Variants in FARS2 observed in about 807,000 individuals in gnomAD.
FARS2 encodes the protein phenylalanyl-tRNA synthetase 2, mitochondrial.
In FARS2, 40 loss-of-function variants were observed where a neutral mutation model predicts 46.4. The ratio of observed to expected loss-of-function variants is 0.86; its 90% CI spans 0.67 to 1.12. The LOEUF (loss-of-function observed/expected upper bound fraction) is 1.12, where lower values mean the gene tolerates loss of function less well. Among genes scored for constraint, FARS2 ranks in the 50% most tolerant of loss-of-function variants. The pLI, the probability that FARS2 is intolerant of heterozygous loss-of-function variation, is 0.00. For synonymous variants in FARS2, 234 were observed against 214.9 expected (o/e 1.09, Z -0.78); for missense variants, 513 against 567.9 (o/e 0.90, Z 0.98).
At chr6:5,428,708 G>A (rs1333581673) in intron 3 of FARS2, among the ~76,000 whole-genome samples, 1 of 152,122 alleles carries the variant, frequency 6.6e-6, no homozygotes, top group Non-Finnish European at 1.5e-5. Context: ...TCCCAAAGAT[G>A]GGCAGGGATA....
At chr6:5,760,852 C>T (rs1462762576) in intron 6 of FARS2, among the ~76,000 whole-genome samples, 1 of 152,222 alleles carries the variant, frequency 6.6e-6, no homozygotes. Context: ...TGAAACTGCT[C>T]TGATCGCTCC....
intron 6 of FARS2, among the ~76,000 whole-genome samples, chr6:5,690,017 C>G (rs530843718): frequency 3.3e-5 from 5 of 152,152 alleles, no homozygotes; most frequent in Non-Finnish European, 7.3e-5. Flanking sequence ...ACTAGGATTG[C>G]AACCTCTGCC....
At chr6:5,295,202 A>G (rs17140122) in intron 1 of FARS2, among the ~76,000 whole-genome samples, 12,353 of 152,282 alleles carry the variant, frequency 0.081, 831 homozygotes, top group African/African-American at 0.18. Flanking sequence ...GTGCCGTCAT[A>G]TACGTTATAT....
chr6:5,371,422 G>A (rs1759056360), intron 2 of FARS2, among the ~76,000 whole-genome samples: 1 of 151,872 alleles, frequency 6.6e-6, no homozygotes, highest in African/African-American at 2.4e-5. Context: ...TCACTATAAC[G>A]TGTATTTCAG....
rs1163837780 is a variant in FARS2, at chr6:5,709,693, T to TGC, written c.1218-61597_1218-61596insCG. Among the ~76,000 whole-genome samples the TGC allele has an allele frequency of 3.3e-3, 89 of 27,364 alleles. 2 individuals are homozygous for TGC. The highest frequency in any genetic ancestry group is 8.3e-3 in the African/African-American group (63 of 7,616). The allele number at this position is 27,364 out of a possible 152,430, so 18.0% of individuals were successfully genotyped here. A position where few individuals can be genotyped will look rare whatever the true frequency, so the allele number is the denominator to read the frequency against. On this transcript the variant is annotated intron_variant, in intron 6 of 6. Transcript: ENST00000274680. ...GAGGGTGTGTGTGTGTGTGTGTGTG[T>TGC]GTGTGCGCATGCACGTGCATGTTGG...
At chr6:5,563,315 G>A (rs1307312332) in intron 5 of FARS2, among the ~76,000 whole-genome samples, 1 of 152,142 alleles carries the variant, frequency 6.6e-6, no homozygotes, top group Non-Finnish European at 1.5e-5. Flanking sequence ...GAATATGTGG[G>A]GGCAGCCACA....
At chr6:5,720,831 G>T (rs1759845253) in intron 6 of FARS2, among the ~76,000 whole-genome samples, 1 of 152,210 alleles carries the variant, frequency 6.6e-6, no homozygotes, top group African/African-American at 2.4e-5. Context: ...AGGATTGCTT[G>T]AGGATAGGAG....
At chr6:5,675,137 G>A (rs1778691918) in intron 6 of FARS2, among the ~76,000 whole-genome samples, 1 of 152,086 alleles carries the variant, frequency 6.6e-6, no homozygotes, top group African/African-American at 2.4e-5. Flanking sequence ...TGAAGAAGGT[G>A]TTTGATAAAG....
At chr6:5,501,742 G>A (rs1458673887) in intron 4 of FARS2, among the ~76,000 whole-genome samples, 5 of 152,144 alleles carry the variant, frequency 3.3e-5, no homozygotes, top group East Asian at 1.9e-4. Context: ...TGGTCCGCCC[G>A]CCTCAGCCTC....
At chr6:5,257,679 G>A (rs1292730841), upstream of FARS2, among the ~76,000 whole-genome samples, 1 of 152,194 alleles carries the variant, frequency 6.6e-6, no homozygotes, top group Admixed American at 6.5e-5. Context: ...ATTGTGAACT[G>A]TGCATGTGAG....
intron 4 of FARS2, among the ~76,000 whole-genome samples, chr6:5,531,887 C>T (rs555849568): frequency 6.6e-6 from 1 of 152,314 alleles, no homozygotes; most frequent in African/African-American, 2.4e-5. Flanking sequence ...TGCAGTGTCT[C>T]AACAGGATAC....
At chr6:5,349,087 A>G (rs1306257293) in intron 1 of FARS2, among the ~76,000 whole-genome samples, 14 of 152,222 alleles carry the variant, frequency 9.2e-5, no homozygotes, top group Non-Finnish European at 1.5e-4. Flanking sequence ...AATCTATCAA[A>G]AATAAAACAT....
chr6:5,429,121 A>T (rs1763017259), intron 3 of FARS2, among the ~76,000 whole-genome samples: 1 of 152,182 alleles, frequency 6.6e-6, no homozygotes, highest in African/African-American at 2.4e-5. Context: ...AGGATTACAA[A>T]GGGGCATGAG....
At chr6:5,730,250 T>C (rs1398360648) in intron 6 of FARS2, among the ~76,000 whole-genome samples, 1 of 152,186 alleles carries the variant, frequency 6.6e-6, no homozygotes, top group East Asian at 1.9e-4. Context: ...ACTCAAACTG[T>C]GAGCCTTTCT....
chr6:5,309,385 G>T (rs1768937792), intron 1 of FARS2, among the ~76,000 whole-genome samples: 1 of 152,068 alleles, frequency 6.6e-6, no homozygotes, highest in Non-Finnish European at 1.5e-5. Context: ...TGAGATTCTT[G>T]TTAGTGTTGA....
rs146106127 is a variant in FARS2 at position 5,545,626 on chromosome 6, C to G, written c.1065+286C>G. 4.8e-4 allele frequency among the ~76,000 whole-genome samples: 73 copies of G among 152,170 alleles called. 2 individuals carry two copies. In the East Asian group the frequency reaches 0.013, roughly 27 times the overall value. ...CCTCCCCTTGCCTGCCACCCCGCAA[C>G]AGGCCCCGGTGTGTGATGTTCCCCT... On this transcript the variant is annotated intron_variant, in intron 5 of 6. Coordinates refer to ENST00000274680, the MANE Select transcript of FARS2 (RefSeq NM_006567.5).
At chr6:5,432,267 G>C (rs1763212239) in intron 4 of FARS2, among the ~76,000 whole-genome samples, 1 of 139,810 alleles carries the variant, frequency 7.2e-6, no homozygotes, top group African/African-American at 2.7e-5. Context: ...AGTGAGCCGA[G>C]ATCGCTATAC....
Position 5,650,409 on chromosome 6 carries a change from G to C in FARS2, c.1217+37089G>C, listed in dbSNP as rs9504471. ...TTCACATCAGCCATAATTCTGCAAG[G>C]CTCATTAATTCAAGGAGATTTACCA... On this transcript the variant is annotated intron_variant, in intron 6 of 6. Transcript: ENST00000274680. 1.6e-3 allele frequency among the ~76,000 whole-genome samples: 243 copies of C among 151,934 alleles called. 2 individuals carry two copies. Among genetic ancestry groups the C allele is most frequent in the African/African-American group, 5.5e-3 (228 of 41,396 alleles).
At chr6:5,574,834 C>T (rs1772862747) in intron 5 of FARS2, among the ~76,000 whole-genome samples, 1 of 152,152 alleles carries the variant, frequency 6.6e-6, no homozygotes, top group Non-Finnish European at 1.5e-5. Flanking sequence ...AGACCTCTTG[C>T]AGATAACGAA....
Sources: allele counts gnomAD v4.1 joint callset (sites outside exome capture counted in the v4.1 genomes callset), GRCh38; gene constraint gnomAD v4.1.1; transcripts MANE v1.5; gene names NCBI Gene and HGNC (gene_info 2026-07-23, HGNC 2026-07-21).